The following THAP6 variants were observed in gnomAD, a reference collection of about 807,000 sequenced individuals.
THAP6 encodes THAP domain containing 6, also known as THAP domain-containing protein 6.
In THAP6, 13 loss-of-function variants were observed where a neutral mutation model predicts 20.0. The ratio of observed to expected loss-of-function variants is 0.65; its 90% CI spans 0.42 to 1.03. The LOEUF (loss-of-function observed/expected upper bound fraction) is 1.03, where lower values mean the gene tolerates loss of function less well. Among genes scored for constraint, THAP6 ranks in the 50% least tolerant of loss-of-function variants. THAP6 has a pLI of 0.00. For missense variants in THAP6, 262 were observed against 261.6 expected (o/e 1.00, Z -0.01); for synonymous variants, 93 against 92.2 (o/e 1.01, Z -0.05).
chr4:75,531,993 T>C (rs1726695198), downstream of THAP6, among the ~76,000 whole-genome samples: 1 of 151,916 alleles, frequency 6.6e-6, no homozygotes, highest in Non-Finnish European at 1.5e-5. Flanking sequence ...CCCCAGCCCC[T>C]CCCAAATCTC....
At chr4:75,524,215 G>A (rs1185638843) in intron 4 of THAP6, among the ~76,000 whole-genome samples, 9 of 152,060 alleles carry the variant, frequency 5.9e-5, no homozygotes, top group East Asian at 1.9e-4. Flanking sequence ...TCTTATAGTC[G>A]TATACTTTCG....
chr4:75,527,432 C>T lies in THAP6; in HGVS notation c.*218C>T, dbSNP rs1027292720. The stretch of plus-strand genomic sequence containing the variant: ...CTTGTGACAATTATGTTTTATAGAC[C>T]TACACTAGTGCCAGGTCACTATTGT... On this transcript the variant is annotated 3_prime_UTR_variant, in exon 5 of 5. Coordinates refer to ENST00000311638, the MANE Select transcript of THAP6 (RefSeq NM_144721.6). 1 of 1,351,110 alleles carries T rather than the reference C, an allele frequency of 7.4e-7. No homozygotes were observed. Among genetic ancestry groups the T allele is most frequent in the Admixed American group, 3.3e-5 (1 of 30,730 alleles). 83.7% of individuals were successfully genotyped at this position (1,351,110 alleles called of 1,614,324 possible).
chr4:75,542,481 T>C, exon 3 of THAP6: 1 of 702,426 alleles, frequency 1.4e-6, no homozygotes, highest in South Asian at 1.5e-5. Context: ...AGCTAACATT[T>C]ATAAGGTGCC....
chr4:75,525,374 T>G (rs1427921426), intron 4 of THAP6, among the ~76,000 whole-genome samples: 1 of 152,228 alleles, frequency 6.6e-6, no homozygotes, highest in Non-Finnish European at 1.5e-5. Flanking sequence ...TGCTGTAACT[T>G]TACATTCACG....
intron 3 of THAP6, among the ~76,000 whole-genome samples, chr4:75,518,131 G>GT (rs989870882): frequency 5.3e-5 from 8 of 151,854 alleles, no homozygotes; most frequent in African/African-American, 1.9e-4. Flanking sequence ...TAGGGCTTTT[G>GT]TTTTTTTTCC....
chr4:75,530,526 T>C (rs1726648516), downstream of THAP6, among the ~76,000 whole-genome samples: 1 of 152,230 alleles, frequency 6.6e-6, no homozygotes, highest in Non-Finnish European at 1.5e-5. Flanking sequence ...TCCAATTAAC[T>C]AGTCCTCCCA....
chr4:75,546,821 C>T (rs996723333), intron 3 of THAP6, among the ~76,000 whole-genome samples: 1 of 152,198 alleles, frequency 6.6e-6, no homozygotes, highest in African/African-American at 2.4e-5. Context: ...GGCCCACCCA[C>T]ATTACAGAGG....
intron 3 of THAP6, 47 bp from the exon 4 acceptor site, chr4:75,521,689 G>A: frequency 6.6e-7 from 1 of 1,520,980 alleles, no homozygotes; most frequent in Non-Finnish European, 8.8e-7. Flanking sequence ...ATTTAAGAAA[G>A]AACAAAAGTA....
intron 3 of THAP6, among the ~76,000 whole-genome samples, chr4:75,546,340 G>A (rs1367477060): frequency 6.6e-6 from 1 of 152,184 alleles, no homozygotes; most frequent in Non-Finnish European, 1.5e-5. Flanking sequence ...TTTCTGAAGT[G>A]TCTGTGTTAG....
At chr4:75,533,455 GT>G (rs1296753065), downstream of THAP6, among the ~76,000 whole-genome samples, 1 of 152,018 alleles carries the variant, frequency 6.6e-6, no homozygotes. Flanking sequence ...CCTCTAAACT[GT>G]TCCAACCTCT....
chr4:75,516,706 C>T, intron 2 of THAP6, 66 bp from the exon 3 acceptor site: 1 of 1,360,782 alleles, frequency 7.3e-7, no homozygotes, highest in Non-Finnish European at 1.0e-6. Flanking sequence ...TTGTATAAGG[C>T]AGCTTTAATT....
chr4:75,522,957 T>C (rs1428228801), intron 4 of THAP6, among the ~76,000 whole-genome samples: 4 of 152,116 alleles, frequency 2.6e-5, no homozygotes, highest in African/African-American at 9.7e-5. Context: ...AAGGAAAGGG[T>C]GTATACCACA....
chr4:75,541,271 C>T (rs943044811), intron 2 of THAP6, among the ~76,000 whole-genome samples: 3 of 152,000 alleles, frequency 2.0e-5, no homozygotes, highest in African/African-American at 7.3e-5. Flanking sequence ...AAAACCGTGG[C>T]GTGCCCATGG....
upstream of THAP6, chr4:75,514,378 G>A (rs939266543): frequency 3.5e-5 from 49 of 1,385,854 alleles, no homozygotes; most frequent in Middle Eastern, 2.6e-4. Context: ...ACCCCTCCCA[G>A]CCCCAGCGGC....
At chr4:75,538,207 T>C (rs1726916272) in intron 2 of THAP6, among the ~76,000 whole-genome samples, 1 of 152,082 alleles carries the variant, frequency 6.6e-6, no homozygotes, top group Non-Finnish European at 1.5e-5. Context: ...TTAAAAAATA[T>C]CCTGAAACAC....
chr4:75,537,808 T>G (rs185638599), intron 2 of THAP6, among the ~76,000 whole-genome samples: 9 of 152,200 alleles, frequency 5.9e-5, no homozygotes, highest in Admixed American at 5.9e-4. Flanking sequence ...AAGCAAAGGT[T>G]GTGGTAATGA....
At chr4:75,542,523 A>T (rs1216271591) in intron 3 of THAP6, 1 of 698,396 alleles carries the variant, frequency 1.4e-6, no homozygotes, top group Non-Finnish European at 2.6e-6. Context: ...AACTTTATTA[A>T]CTCATTTAAC....
At chr4:75,517,609 A>G (rs1725745316) in intron 3 of THAP6, 1 of 152,300 alleles carries the variant, frequency 6.6e-6, no homozygotes, top group Non-Finnish European at 1.5e-5. Context: ...GGCAGTCCTT[A>G]ACACTGGGGC....
intron 2 of THAP6, among the ~76,000 whole-genome samples, chr4:75,541,919 T>A (rs1727015684): frequency 6.7e-6 from 1 of 150,264 alleles, no homozygotes. Flanking sequence ...ATTGCACCAC[T>A]GTACTCCAGC....
Sources: gnomAD v4.1 joint callset for allele counts (sites outside exome capture counted in the v4.1 genomes callset) on GRCh38, gnomAD v4.1.1 for gene constraint, MANE v1.5 for transcripts, NCBI Gene and HGNC (gene_info 2026-07-23, HGNC 2026-07-21) for gene names.